MTUS2: variants seen among roughly 807,000 people sequenced by gnomAD.
MTUS2 encodes microtubule-associated tumor suppressor candidate 2.
In MTUS2, 40 loss-of-function variants were observed where a neutral mutation model predicts 114.1. The ratio of observed to expected loss-of-function variants is 0.35; its 90% CI spans 0.27 to 0.46. The LOEUF (loss-of-function observed/expected upper bound fraction) is 0.46, where lower values mean the gene tolerates loss of function less well. Ranked by LOEUF, MTUS2 falls within the 20% of genes least tolerant of loss-of-function variation. The pLI is 1.00. For synonymous variants in MTUS2, 688 were observed against 672.0 expected (o/e 1.02, Z -0.37); for missense variants, 1,679 against 1,705.4 (o/e 0.98, Z 0.27).
chr13:29,267,088 A>G (rs906696757), intron 5 of MTUS2, among the ~76,000 whole-genome samples: 1 of 152,210 alleles, frequency 6.6e-6, no homozygotes, highest in African/African-American at 2.4e-5. Flanking sequence ...AAGAGGCACT[A>G]AGGGCTAACC....
intron 5 of MTUS2, among the ~76,000 whole-genome samples, chr13:29,121,187 G>A (rs1203383138): frequency 6.6e-6 from 1 of 152,176 alleles, no homozygotes; most frequent in African/African-American, 2.4e-5. Flanking sequence ...ATCTTAGGAT[G>A]AGCTCAACAG....
chr13:29,486,111 A>G (rs1881597779), intron 10 of MTUS2, among the ~76,000 whole-genome samples: 1 of 152,242 alleles, frequency 6.6e-6, no homozygotes, highest in African/African-American at 2.4e-5. Context: ...GGACAATTAA[A>G]TACTGTTGTA....
chr13:28,852,845 T>G (rs1325615743), intron 2 of MTUS2, among the ~76,000 whole-genome samples: 1 of 151,890 alleles, frequency 6.6e-6, no homozygotes, highest in Non-Finnish European at 1.5e-5. Context: ...AGCCTCTATC[T>G]TAAATACGTA....
At chr13:29,358,215 G>A (rs1869914548) in intron 7 of MTUS2, among the ~76,000 whole-genome samples, 1 of 152,176 alleles carries the variant, frequency 6.6e-6, no homozygotes, top group African/African-American at 2.4e-5. Context: ...CACATCCCAG[G>A]TCTGTCTGTG....
At position 29,337,823 on chromosome 13, in the gene MTUS2, CTGT is replaced by C. The variant is rs547657746; in HGVS notation, c.2905+13115_2905+13117del. On this transcript the variant is annotated intron_variant, in intron 7 of 15. Coordinates refer to ENST00000612955, the MANE Select transcript of MTUS2 (RefSeq NM_001033602.4). ...TTTTTTTTTGAGACAGAGTCTCGCT[CTGT>C]TGCCTGGGCTGGAGTACATTGGCAC... is the stretch of plus-strand genomic sequence containing the variant. Among the ~76,000 whole-genome samples, 679 of 148,234 alleles carry C rather than the reference CTGT, an allele frequency of 4.6e-3. 6 individuals are homozygous for C. The highest frequency in any genetic ancestry group is 0.016 in the African/African-American group (634 of 38,956).
intron 4 of MTUS2, among the ~76,000 whole-genome samples, chr13:29,088,330 C>T (rs929654058): frequency 1.3e-5 from 2 of 152,062 alleles, no homozygotes; most frequent in Admixed American, 1.3e-4. Context: ...TGTGTGATCT[C>T]AGAGTGTGGT....
chr13:29,451,914 A>C (rs951244031), intron 9 of MTUS2, among the ~76,000 whole-genome samples: 1 of 152,176 alleles, frequency 6.6e-6, no homozygotes, highest in Non-Finnish European at 1.5e-5. Flanking sequence ...GAGAGTGACA[A>C]TATAGCTTCA....
At chr13:29,228,904 A>G (rs1216093871) in intron 5 of MTUS2, among the ~76,000 whole-genome samples, 7 of 152,182 alleles carry the variant, frequency 4.6e-5, no homozygotes, top group African/African-American at 1.7e-4. Flanking sequence ...CCATAACAAC[A>G]TAGCTCTGGG....
At chr13:29,035,134 A>G (rs1887005146) in intron 4 of MTUS2, among the ~76,000 whole-genome samples, 1 of 152,166 alleles carries the variant, frequency 6.6e-6, no homozygotes, top group South Asian at 2.1e-4. Flanking sequence ...CTTCAAACTC[A>G]GTTCAGTCCT....
intron 6 of MTUS2, among the ~76,000 whole-genome samples, chr13:29,324,223 G>A (rs538017020): frequency 9.2e-5 from 14 of 152,334 alleles, no homozygotes; most frequent in Admixed American, 7.8e-4. Context: ...CAGCTACAGC[G>A]TCCTTCCCTG....
chr13:29,164,051 T>A (rs1305501275), intron 5 of MTUS2, among the ~76,000 whole-genome samples: 1 of 152,188 alleles, frequency 6.6e-6, no homozygotes, highest in Non-Finnish European at 1.5e-5. Context: ...AAGTCCCTAC[T>A]GTGCCTGTGG....
chr13:29,418,947 T>C (rs1384877886), intron 8 of MTUS2, among the ~76,000 whole-genome samples: 1 of 152,238 alleles, frequency 6.6e-6, no homozygotes, highest in Non-Finnish European at 1.5e-5. Context: ...CCTTTTGGTC[T>C]GTGTTTCAGC....
chr13:29,166,828 GA>G (rs1289226652), intron 5 of MTUS2, among the ~76,000 whole-genome samples: 7 of 151,730 alleles, frequency 4.6e-5, no homozygotes, highest in African/African-American at 7.3e-5. Flanking sequence ...GTATTGTCTT[GA>G]AAAAAAATTA....
intron 10 of MTUS2, among the ~76,000 whole-genome samples, chr13:29,481,295 G>A (rs772341106): frequency 2.0e-5 from 3 of 152,096 alleles, no homozygotes; most frequent in East Asian, 1.9e-4. Flanking sequence ...CCACCCCCAC[G>A]GCAGCTATCT....
chr13:28,943,063 C>T (rs1882333088), intron 2 of MTUS2, among the ~76,000 whole-genome samples: 1 of 152,158 alleles, frequency 6.6e-6, no homozygotes, highest in South Asian at 2.1e-4. Context: ...GTCCCTCAAG[C>T]TGACATTCCT....
intron 9 of MTUS2, among the ~76,000 whole-genome samples, chr13:29,457,278 C>T (rs576875679): frequency 6.6e-6 from 1 of 152,176 alleles, no homozygotes; most frequent in Admixed American, 6.5e-5. Flanking sequence ...TTACATTGCA[C>T]CAGAAAGTTC....
At chr13:29,052,874 G>A (rs1332153535) in intron 4 of MTUS2, among the ~76,000 whole-genome samples, 1 of 152,088 alleles carries the variant, frequency 6.6e-6, no homozygotes, top group African/African-American at 2.4e-5. Flanking sequence ...GAATCATGGG[G>A]GTGGTTTTCT....
chr13:29,178,692 A>T (rs1893875816), intron 5 of MTUS2, among the ~76,000 whole-genome samples: 1 of 152,130 alleles, frequency 6.6e-6, no homozygotes, highest in African/African-American at 2.4e-5. Context: ...AAAAAAAAAA[A>T]AATTTTTTTC....
At chr13:29,097,927 AC>A (rs1890246201) in intron 4 of MTUS2, among the ~76,000 whole-genome samples, 1 of 152,202 alleles carries the variant, frequency 6.6e-6, no homozygotes, top group Non-Finnish European at 1.5e-5. Flanking sequence ...AATAGTAAGT[AC>A]TATATATTTT....
Sources: allele counts gnomAD v4.1 joint callset (sites outside exome capture counted in the v4.1 genomes callset), GRCh38; gene constraint gnomAD v4.1.1; transcripts MANE v1.5; gene names NCBI Gene and HGNC (gene_info 2026-07-23, HGNC 2026-07-21).